Variants in FSHR observed in about 807,000 individuals in gnomAD.
FSHR encodes follicle-stimulating hormone receptor.
In FSHR, 46 loss-of-function variants were observed where a neutral mutation model predicts 52.1. The observed-to-expected ratio is 0.88, with a 90% CI of 0.70 to 1.13. FSHR has a LOEUF of 1.13. FSHR is among the 50% of genes most tolerant of loss of function. The pLI, the probability that FSHR is intolerant of heterozygous loss-of-function variation, is 0.00. For missense variants in FSHR, 964 were observed against 834.6 expected (o/e 1.16, Z -1.91); for synonymous variants, 399 against 309.6 (o/e 1.29, Z -3.03).
Position 49,153,536 on chromosome 2 carries a change from C to T in FSHR, c.152+730G>A, listed in dbSNP as rs545599897. ...AGTTTGGAAAATCCTCTTTACTCTT[C>T]AGACACCAGATTCCTAATTTGCAAA... On this transcript the variant is annotated intron_variant, in intron 1 of 9. Coordinates refer to ENST00000406846, the MANE Select transcript of FSHR (RefSeq NM_000145.4). Among the ~76,000 whole-genome samples the T allele has an allele frequency of 3.5e-4, 53 of 152,280 alleles. 3 individuals are homozygous for T. The South Asian group carries it at 0.011, about 31-fold the overall frequency.
rs572212951 is a variant in FSHR, at chr2:48,983,181, C to T, written c.525-15G>A. 6.2e-7 allele frequency: 1 copy of T among 1,612,548 alleles called. No individual in the cohort carries two copies. Among genetic ancestry groups the T allele is most frequent in the South Asian group, 1.1e-5 (1 of 91,018 alleles). On this transcript the variant is annotated splice_polypyrimidine_tract_variant and intron_variant, in intron 6 of 9. Coordinates refer to ENST00000406846, the MANE Select transcript of FSHR (RefSeq NM_000145.4). ...TATTCAGCCATCTGAAATAAAAGGC[C>T]TATTAAAAAACCAATAATGTCAGAT...
At chr2:49,070,948 C>A (rs1669706134) in intron 1 of FSHR, among the ~76,000 whole-genome samples, 1 of 152,090 alleles carries the variant, frequency 6.6e-6, no homozygotes, top group Admixed American at 6.6e-5. Context: ...GAACCCTGAG[C>A]AGTGGTGAAT....
chr2:49,073,557 A>C (rs749101246), intron 1 of FSHR, among the ~76,000 whole-genome samples: 1 of 152,084 alleles, frequency 6.6e-6, no homozygotes, highest in Non-Finnish European at 1.5e-5. Context: ...AGAAGATACA[A>C]ATGTAAAGAC....
chr2:49,036,211 A>T (rs1668266577), intron 2 of FSHR, among the ~76,000 whole-genome samples: 1 of 152,172 alleles, frequency 6.6e-6, no homozygotes, highest in Admixed American at 6.5e-5. Context: ...CCAAATTGTG[A>T]TGAGAGGTAC....
chr2:49,066,854 C>G (rs1669520014), intron 2 of FSHR, among the ~76,000 whole-genome samples: 1 of 152,062 alleles, frequency 6.6e-6, no homozygotes, highest in Non-Finnish European at 1.5e-5. Flanking sequence ...TTTAGGGACA[C>G]AGGGATATCC....
chr2:49,027,850 CAA>C (rs397868435), intron 2 of FSHR, among the ~76,000 whole-genome samples: 7 of 49,962 alleles, frequency 1.4e-4, no homozygotes, highest in Admixed American at 2.2e-4. Context: ...ACTCTTTCTC[CAA>C]AAAAAAAAAA....
intron 4 of FSHR, among the ~76,000 whole-genome samples, chr2:49,011,630 C>A (rs916914497): frequency 1.3e-5 from 2 of 151,922 alleles, no homozygotes; most frequent in Non-Finnish European, 2.9e-5. Flanking sequence ...TGTTTTAACT[C>A]GATGAACACA....
chr2:48,975,627 A>G (rs186610837), intron 8 of FSHR, among the ~76,000 whole-genome samples: 2 of 152,072 alleles, frequency 1.3e-5, no homozygotes, highest in African/African-American at 4.8e-5. Context: ...ATGTGAGCCA[A>G]TGTCCCTAAG....
At position 49,088,527 on chromosome 2, in the gene FSHR, T is replaced by C. The variant is rs567169959; in HGVS notation, c.153-20237A>G. Among the ~76,000 whole-genome samples the C allele has an allele frequency of 1.7e-3, 261 of 152,338 alleles. 3 individuals are homozygous for C. In the Middle Eastern group the frequency reaches 0.044, roughly 26 times the overall value. Reference sequence around the variant, plus strand: ...TGCCCTTACTTTTGCTCTGTCAGTGTGGGTAAACAGAATTCGACTTTAATG... The same window carrying C: ...TGCCCTTACTTTTGCTCTGTCAGTGCGGGTAAACAGAATTCGACTTTAATG... On this transcript the variant is annotated intron_variant, in intron 1 of 9. Transcript: ENST00000406846.
At chr2:49,139,094 A>G (rs1672584298) in intron 1 of FSHR, among the ~76,000 whole-genome samples, 1 of 152,194 alleles carries the variant, frequency 6.6e-6, no homozygotes, top group Non-Finnish European at 1.5e-5. Context: ...TTACATTTCT[A>G]AAACAAGGGG....
At chr2:48,968,451 AT>A (rs1240636258) in intron 9 of FSHR, among the ~76,000 whole-genome samples, 1 of 152,194 alleles carries the variant, frequency 6.6e-6, no homozygotes, top group Non-Finnish European at 1.5e-5. Context: ...ATGTTTTCTC[AT>A]TTAGTACTTG....
chr2:49,094,710 TA>T, intron 1 of FSHR, among the ~76,000 whole-genome samples: 1 of 151,810 alleles, frequency 6.6e-6, no homozygotes, highest in Admixed American at 6.6e-5. Flanking sequence ...ATGCCTACGT[TA>T]AAAAAGAAGA....
chr2:49,021,886 T>TATATAG (rs1273265515), intron 2 of FSHR, among the ~76,000 whole-genome samples: 24 of 25,110 alleles, frequency 9.6e-4, no homozygotes, highest in Admixed American at 1.1e-3. Flanking sequence ...TATATATATA[T>TATATAG]AGAGAGAGAG....
At chr2:49,085,388 A>G (rs969054570) in intron 1 of FSHR, among the ~76,000 whole-genome samples, 16 of 152,258 alleles carry the variant, frequency 1.1e-4, no homozygotes, top group African/African-American at 2.7e-4. Context: ...AGCCAATATC[A>G]TACTGAATGG....
Position 48,963,557 on chromosome 2 carries a change from C to T in FSHR, c.1264G>A (p.Asp422Asn). The T allele has an allele frequency of 6.2e-7, 1 of 1,614,164 alleles. No individual in the cohort carries two copies. The highest frequency in any genetic ancestry group is 8.5e-7 in the Non-Finnish European group (1 of 1,180,018). ...TGATATTGGCTCTTGGTATGGATAT[C>T]AACTGATGCAATGAGCAGCAGGTAG... Reference protein sequence around the residue: ...GIYLLLIASVDIHTKSQYHNY... With the variant: ...GIYLLLIASVNIHTKSQYHNY... The change falls in exon 10 of 10, where the codon GAT becomes AAT. Residue 422 changes from aspartate to asparagine, a missense_variant. By Grantham distance (23) the Asp-to-Asn change is conservative. Coordinates refer to ENST00000406846, the MANE Select transcript of FSHR (RefSeq NM_000145.4).
rs374191266 is a variant in FSHR, at chr2:48,963,152, G to A, written c.1669C>T (p.Arg557Trp). 192 of 1,613,926 alleles carry A rather than the reference G, an allele frequency of 1.2e-4. No individual in the cohort carries two copies. The highest frequency in any genetic ancestry group is 1.5e-4 in the Non-Finnish European group (175 of 1,179,994). The change falls in exon 10 of 10, where the codon CGG (arginine) becomes TGG (tryptophan). Residue 557 changes from arginine (R) to tryptophan (W), a missense_variant. By Grantham distance (101) the Arg-to-Trp change is moderately radical. Coordinates refer to ENST00000406846, the MANE Select transcript of FSHR (RefSeq NM_000145.4). ...GCYIHIYLTV[R>W]NPNIVSSSSD... ...GAGGAGGACACGATGTTGGGGTTCC[G>A]CACTGTGAGGTAGATGTGGATATAG...
chr2:49,142,018 G>C (rs1672706108), intron 1 of FSHR, among the ~76,000 whole-genome samples: 1 of 152,216 alleles, frequency 6.6e-6, no homozygotes, highest in South Asian at 2.1e-4. Context: ...GTGGCATGCA[G>C]CATAGTGACA....
chr2:49,021,863 C>CTCTCTA (rs1467766420), intron 2 of FSHR, among the ~76,000 whole-genome samples: 6 of 49,866 alleles, frequency 1.2e-4, no homozygotes, highest in African/African-American at 4.1e-4. Context: ...CTCTCTCTCT[C>CTCTCTA]TATATATATA....
intron 1 of FSHR, among the ~76,000 whole-genome samples, chr2:49,101,740 C>A (rs1031204531): frequency 3.3e-5 from 5 of 152,162 alleles, no homozygotes; most frequent in Admixed American, 6.5e-5. Flanking sequence ...CATAAACAAT[C>A]TGAAGGAATC....
Sources: allele counts gnomAD v4.1 joint callset (sites outside exome capture counted in the v4.1 genomes callset), GRCh38; gene constraint gnomAD v4.1.1; transcripts MANE v1.5; gene names NCBI Gene and HGNC (gene_info 2026-07-23, HGNC 2026-07-21).